RORB: variants seen among roughly 807,000 people sequenced by gnomAD.
The protein encoded by RORB is RAR related orphan receptor B.
Under a neutral mutation model 59.1 loss-of-function variants are expected in RORB, and 6 were observed. The ratio of observed to expected loss-of-function variants is 0.10; its 90% CI spans 0.06 to 0.20. RORB has a LOEUF of 0.20. RORB is among the 10% of genes least tolerant of loss of function. RORB has a pLI of 1.00. For missense variants in RORB, 320 were observed against 560.5 expected, an observed-to-expected ratio of 0.57 and a Z score of 4.33; for synonymous variants, 215 against 204.5, an observed-to-expected ratio of 1.05 and a Z score of -0.44.
In RORB at chr9:74,616,156, A is replaced by T. The variant is rs142770236; in HGVS notation, c.8-14126A>T. ...TGAATTACATTTGAGTTTTTCTCCT[A>T]AATTTTTTACAAGTTAGTGCATAAT... On this transcript the variant is annotated intron_variant, in intron 1 of 9. Coordinates refer to ENST00000376896, the MANE Select transcript of RORB (RefSeq NM_006914.4). 2.7e-3 allele frequency among the ~76,000 whole-genome samples: 415 copies of T among 152,324 alleles called. 1 individual carries two copies. Among genetic ancestry groups the T allele is most frequent in the African/African-American group, 7.8e-3 (324 of 41,576 alleles).
At chr9:74,675,915 C>G (rs945597960) in intron 9 of RORB, among the ~76,000 whole-genome samples, 17 of 152,312 alleles carry the variant, frequency 1.1e-4, no homozygotes, top group African/African-American at 3.6e-4. Flanking sequence ...AGAGATAGGG[C>G]AGCAAATGTT....
chr9:74,518,167 T>C (rs966504354), intron 1 of RORB, among the ~76,000 whole-genome samples: 1 of 152,020 alleles, frequency 6.6e-6, no homozygotes, highest in Non-Finnish European at 1.5e-5. Context: ...TCCCTTACTC[T>C]AGTCAAGCCA....
At chr9:74,589,640 A>G (rs1822855970) in intron 1 of RORB, among the ~76,000 whole-genome samples, 1 of 152,220 alleles carries the variant, frequency 6.6e-6, no homozygotes, top group Non-Finnish European at 1.5e-5. Flanking sequence ...TAGATGCTTC[A>G]TTTCCACATT....
chr9:74,625,551 C>G (rs999860969), intron 1 of RORB, among the ~76,000 whole-genome samples: 1 of 152,162 alleles, frequency 6.6e-6, no homozygotes, highest in South Asian at 2.1e-4. Context: ...GGGTTTGAGG[C>G]TGCAGTGAGC....
intron 1 of RORB, among the ~76,000 whole-genome samples, chr9:74,572,291 T>A (rs568589705): frequency 6.6e-5 from 10 of 152,110 alleles, no homozygotes; most frequent in Non-Finnish European, 1.3e-4. Flanking sequence ...TGAAAAAAAA[T>A]ATTATGGTCA....
rs191717054 is a variant in RORB at position 74,531,280 on chromosome 9, T to C, written c.7+33297T>C. On this transcript the variant is annotated intron_variant, in intron 1 of 9. Coordinates refer to ENST00000376896, the MANE Select transcript of RORB (RefSeq NM_006914.4). ...GATTGATCAAAGTCAAGTTTTCTGC[T>C]TTTTAAAACGCAGCCATTAACCCAA... Among the ~76,000 whole-genome samples, 18 of 152,112 alleles carry C rather than the reference T, an allele frequency of 1.2e-4. 1 individual carries two copies. The highest frequency in any genetic ancestry group is 1.2e-3 in the Admixed American group (18 of 15,252).
intron 1 of RORB, among the ~76,000 whole-genome samples, chr9:74,513,191 T>G (rs1420178333): frequency 6.6e-6 from 1 of 152,074 alleles, no homozygotes; most frequent in Non-Finnish European, 1.5e-5. Context: ...TGTGAATAAG[T>G]TTTTCAACAC....
intron 3 of RORB, among the ~76,000 whole-genome samples, chr9:74,641,085 A>C (rs1447254921): frequency 2.6e-5 from 4 of 152,216 alleles, no homozygotes; most frequent in Non-Finnish European, 5.9e-5. Context: ...AGGTGGTGGG[A>C]ATACCGTCAC....
chr9:74,594,395 A>G (rs1419800266), intron 1 of RORB, among the ~76,000 whole-genome samples: 3 of 152,208 alleles, frequency 2.0e-5, no homozygotes, highest in Admixed American at 1.3e-4. Flanking sequence ...TGGAAGCTCC[A>G]AACAAAAGAC....
At position 74,682,744 on chromosome 9, in the gene RORB, T is replaced by C. The variant is rs191718774; in HGVS notation, c.1225-2719T>C. ...GTTCAGAGGACTGTTTCAAATTCAATGTATAATTTACTTTTTTAAGAATTT... is the reference window on the plus strand; with the variant it reads ...GTTCAGAGGACTGTTTCAAATTCAACGTATAATTTACTTTTTTAAGAATTT... On this transcript the variant is annotated intron_variant, in intron 9 of 9. Transcript: ENST00000376896. Among the ~76,000 whole-genome samples, 195 of 152,282 alleles carry C rather than the reference T, an allele frequency of 1.3e-3. 1 individual carries two copies. Among genetic ancestry groups the C allele is most frequent in the Non-Finnish European group, 2.4e-3 (160 of 68,034 alleles).
chr9:74,504,298 G>T (rs1825839853), intron 1 of RORB, among the ~76,000 whole-genome samples: 1 of 151,916 alleles, frequency 6.6e-6, no homozygotes, highest in African/African-American at 2.4e-5. Flanking sequence ...TGTCCTGCAT[G>T]CTGCTTGGTT....
At position 74,582,805 on chromosome 9, in the gene RORB, G is replaced by C. The variant is rs181950695; in HGVS notation, c.8-47477G>C. On this transcript the variant is annotated intron_variant, in intron 1 of 9. Coordinates refer to ENST00000376896, the MANE Select transcript of RORB (RefSeq NM_006914.4). ...CAAGCCTCAGAAGGCATATTAGCTT[G>C]CAACTTCCTAAAGATCCTGTATGCA... 1.2e-3 allele frequency among the ~76,000 whole-genome samples: 189 copies of C among 152,222 alleles called. 1 individual carries two copies. Among genetic ancestry groups the C allele is most frequent in the African/African-American group, 4.3e-3 (180 of 41,552 alleles).
chr9:74,530,536 C>G (rs1027375330), intron 1 of RORB, among the ~76,000 whole-genome samples: 19 of 151,946 alleles, frequency 1.3e-4, no homozygotes, highest in African/African-American at 4.6e-4. Flanking sequence ...ATGCTGATAA[C>G]CAAAAGGAAC....
At chr9:74,579,533 T>C (rs1444457912) in intron 1 of RORB, among the ~76,000 whole-genome samples, 5 of 152,118 alleles carry the variant, frequency 3.3e-5, no homozygotes, top group Admixed American at 2.6e-4. Context: ...AATGTTGCAA[T>C]ACACAAAAGT....
chr9:74,609,227 T>C (rs936627561), intron 1 of RORB, among the ~76,000 whole-genome samples: 1 of 152,222 alleles, frequency 6.6e-6, no homozygotes, highest in South Asian at 2.1e-4. Flanking sequence ...TTTCCTAATT[T>C]ACAAATGAGG....
At position 74,690,037 on chromosome 9, in the gene RORB, A is replaced by G. The variant is rs530429888; in HGVS notation, c.*4419A>G. 1.3e-5 allele frequency: 2 copies of G among 152,282 alleles called. No homozygotes were observed. Among genetic ancestry groups the G allele is most frequent in the Admixed American group, 6.5e-5 (1 of 15,298 alleles). The allele number at this position is 152,282 out of a possible 1,614,324, so 9.4% of individuals were successfully genotyped here. A position where few individuals can be genotyped will look rare whatever the true frequency, so the allele number is the denominator to read the frequency against. On this transcript the variant is annotated 3_prime_UTR_variant, in exon 10 of 10. Coordinates refer to ENST00000376896, the MANE Select transcript of RORB (RefSeq NM_006914.4). ...AGGCCATGGACGTCTGTGCCCTAAC[A>G]GAAGCACCGTTCAATAGAACAGCAA...
intron 1 of RORB, among the ~76,000 whole-genome samples, chr9:74,567,822 C>T (rs1272188226): frequency 6.6e-6 from 1 of 152,106 alleles, no homozygotes; most frequent in Non-Finnish European, 1.5e-5. Flanking sequence ...GAAGGCATTG[C>T]ATGTATGTGT....
At chr9:74,621,505 A>G (rs4744723) in intron 1 of RORB, among the ~76,000 whole-genome samples, 145,989 of 152,320 alleles carry the variant, frequency 0.96, 70,283 homozygotes, top group East Asian at 1. Flanking sequence ...GGACATCTTA[A>G]TTGTTTCCAG....
chr9:74,511,852 A>G (rs1825944815), intron 1 of RORB, among the ~76,000 whole-genome samples: 1 of 151,286 alleles, frequency 6.6e-6, no homozygotes, highest in Non-Finnish European at 1.5e-5. Context: ...TATGCACCAG[A>G]CACTATCTTA....
Sources: allele counts gnomAD v4.1 joint callset (sites outside exome capture counted in the v4.1 genomes callset), GRCh38; gene constraint gnomAD v4.1.1; transcripts MANE v1.5; gene names NCBI Gene and HGNC (gene_info 2026-07-23, HGNC 2026-07-21).